Variants in SEMA3A observed in about 807,000 individuals in gnomAD.
SEMA3A encodes semaphorin-3A.
A neutral mutation model predicts 97.9 loss-of-function variants in SEMA3A; 29 were observed. That is an observed-to-expected ratio of 0.30 (90% CI 0.22 to 0.40). The LOEUF is 0.40. SEMA3A is among the 10% of genes least tolerant of loss of function. The pLI is 1.00. For missense variants in SEMA3A, 763 were observed against 951.3 expected (o/e 0.80, Z 2.60); for synonymous variants, 321 against 323.7 (o/e 0.99, Z 0.09).
intron 12 of SEMA3A, among the ~76,000 whole-genome samples, chr7:83,996,993 T>C (rs1226606568): frequency 6.6e-6 from 1 of 152,214 alleles, no homozygotes; most frequent in Non-Finnish European, 1.5e-5. Context: ...TGGATGTAAC[T>C]GAAACCACTG....
chr7:84,179,301 T>C (rs1797663805), intron 1 of SEMA3A, among the ~76,000 whole-genome samples: 1 of 152,172 alleles, frequency 6.6e-6, no homozygotes, highest in African/African-American at 2.4e-5. Context: ...CCCATTGTCT[T>C]ATTATCTGCC....
At position 84,134,963 on chromosome 7, in the gene SEMA3A, CAA is replaced by C. The variant is rs1327112281; in HGVS notation, c.113-14_113-13del. ...GGATTCCAACATTTCTGCAAGGTAA[CAA>C]AGCAAAACATTGGGTATTAATGTGA... On this transcript the variant is annotated splice_polypyrimidine_tract_variant and intron_variant, in intron 1 of 16. Transcript: ENST00000265362. 4 of 1,610,494 alleles carry C rather than the reference CAA, an allele frequency of 2.5e-6. No homozygotes were observed. The highest frequency in any genetic ancestry group is 3.4e-6 in the Non-Finnish European group (4 of 1,178,362).
intron 1 of SEMA3A, among the ~76,000 whole-genome samples, chr7:84,472,414 T>C (rs1198530799): frequency 6.6e-6 from 1 of 152,170 alleles, no homozygotes; most frequent in East Asian, 1.9e-4. Flanking sequence ...TCTTCATTAT[T>C]AGACAAATAG....
chr7:84,055,573 TGC>T (rs1349502183), intron 5 of SEMA3A, among the ~76,000 whole-genome samples: 2 of 152,088 alleles, frequency 1.3e-5, no homozygotes, highest in South Asian at 2.1e-4. Context: ...TCGTGCACGG[TGC>T]GCGCACCCAC....
chr7:84,071,384 C>G (rs907481704), intron 4 of SEMA3A, among the ~76,000 whole-genome samples: 4 of 152,030 alleles, frequency 2.6e-5, no homozygotes, highest in African/African-American at 9.7e-5. Context: ...AGAAAAAGTC[C>G]ATGAGATCTA....
At chr7:84,072,217 A>G (rs1793767179) in intron 4 of SEMA3A, among the ~76,000 whole-genome samples, 1 of 151,900 alleles carries the variant, frequency 6.6e-6, no homozygotes, top group South Asian at 2.1e-4. Context: ...TTCCTCCTTA[A>G]TTTTTACTGG....
chr7:84,312,383 G>T (rs1025826851), intron 2 of SEMA3A, among the ~76,000 whole-genome samples: 3 of 151,626 alleles, frequency 2.0e-5, no homozygotes, highest in African/African-American at 7.3e-5. Flanking sequence ...ATGAAGAAAG[G>T]CCCAGTGGTA....
chr7:84,299,388 A>AGG (rs1800952318), intron 3 of SEMA3A, among the ~76,000 whole-genome samples: 1 of 148,874 alleles, frequency 6.7e-6, no homozygotes, highest in Non-Finnish European at 1.5e-5. Flanking sequence ...ATATATATAC[A>AGG]CACATCTCCT....
chr7:83,994,601 G>T (rs1369821048), intron 12 of SEMA3A, among the ~76,000 whole-genome samples: 9 of 142,668 alleles, frequency 6.3e-5, no homozygotes, highest in Non-Finnish European at 1.4e-4. Context: ...TGCCCCTGCT[G>T]GGGGGTGCCT....
At position 83,969,260 on chromosome 7, in the gene SEMA3A, C is replaced by A. The variant is rs545394646; in HGVS notation, c.1718-5913G>T. 2.6e-5 allele frequency among the ~76,000 whole-genome samples: 4 copies of A among 152,208 alleles called. No homozygotes were observed. The South Asian group carries it at 6.2e-4, about 24-fold the overall frequency. On this transcript the variant is annotated intron_variant, in intron 15 of 16. Transcript: ENST00000265362. ...TCAACTGCTAATTAAATCTTAAAATCCTTTATTGAGAATCCAAATGAAGAC... is the reference window on the plus strand; with the variant it reads ...TCAACTGCTAATTAAATCTTAAAATACTTTATTGAGAATCCAAATGAAGAC...
intron 1 of SEMA3A, among the ~76,000 whole-genome samples, chr7:84,392,743 T>A (rs1010699467): frequency 1.3e-5 from 2 of 152,174 alleles, no homozygotes; most frequent in Admixed American, 1.3e-4. Context: ...TTTTAACAGA[T>A]GTGAGGTGTT....
intron 7 of SEMA3A, among the ~76,000 whole-genome samples, chr7:84,013,134 A>G (rs1016826771): frequency 2.6e-5 from 4 of 152,164 alleles, no homozygotes; most frequent in African/African-American, 9.7e-5. Flanking sequence ...ATAGAATTCA[A>G]TTTTAAGACA....
At chr7:84,350,631 C>A (rs1183320023) in intron 2 of SEMA3A, among the ~76,000 whole-genome samples, 1 of 151,938 alleles carries the variant, frequency 6.6e-6, no homozygotes, top group Admixed American at 6.6e-5. Context: ...TTTTCATTTA[C>A]CTTGTTTAAA....
At chr7:84,042,885 T>C (rs1792198487) in intron 6 of SEMA3A, among the ~76,000 whole-genome samples, 2 of 152,092 alleles carry the variant, frequency 1.3e-5, no homozygotes, top group Non-Finnish European at 2.9e-5. Flanking sequence ...AGTAGTATTT[T>C]CATACTAAAT....
chr7:84,207,732 C>T (rs1222483294), intron 3 of SEMA3A, among the ~76,000 whole-genome samples: 1 of 152,148 alleles, frequency 6.6e-6, no homozygotes, highest in East Asian at 1.9e-4. Context: ...AAGTCATCTT[C>T]CTGTGGACAT....
chr7:84,309,619 G>A (rs1311476664), intron 2 of SEMA3A, among the ~76,000 whole-genome samples: 1 of 152,126 alleles, frequency 6.6e-6, no homozygotes, highest in Non-Finnish European at 1.5e-5. Flanking sequence ...TTGGTCTGTA[G>A]AACATATACC....
Position 84,067,231 on chromosome 7 carries a change from G to A in SEMA3A, c.454-6673C>T, listed in dbSNP as rs930789167. Among the ~76,000 whole-genome samples, 1,286 of 152,106 alleles carry A rather than the reference G, an allele frequency of 8.5e-3. 19 individuals carry two copies. The highest frequency in any genetic ancestry group is 0.029 in the African/African-American group (1,193 of 41,498). ...ACTGGCTAGCCATATGTAGAAAGCT[G>A]AAACTGGATCCCTTCCTTACACCTT... is the stretch of plus-strand genomic sequence containing the variant. On this transcript the variant is annotated intron_variant, in intron 4 of 16. Coordinates refer to ENST00000265362, the MANE Select transcript of SEMA3A (RefSeq NM_006080.3).
intron 1 of SEMA3A, among the ~76,000 whole-genome samples, chr7:84,428,185 G>C (rs112420496): frequency 1.3e-5 from 2 of 152,034 alleles, no homozygotes; most frequent in Admixed American, 1.3e-4. Flanking sequence ...AAATCTGTAA[G>C]CTCATAGATA....
chr7:84,281,345 G>A (rs1800434954), intron 3 of SEMA3A, among the ~76,000 whole-genome samples: 1 of 152,110 alleles, frequency 6.6e-6, no homozygotes, highest in African/African-American at 2.4e-5. Flanking sequence ...ATAACCACTT[G>A]AAGACAAGAA....
Sources: allele counts gnomAD v4.1 joint callset (sites outside exome capture counted in the v4.1 genomes callset), GRCh38; gene constraint gnomAD v4.1.1; transcripts MANE v1.5; gene names NCBI Gene and HGNC (gene_info 2026-07-23, HGNC 2026-07-21).